CNIH3: variants seen among roughly 807,000 people sequenced by gnomAD.
CNIH3 encodes cornichon family AMPA receptor auxiliary protein 3, also known as protein cornichon homolog 3.
CNIH3 carries 14 observed loss-of-function variants against 24.1 expected under a neutral mutation model. The observed-to-expected ratio is 0.58, with a 90% CI of 0.38 to 0.91. CNIH3 has a LOEUF of 0.91. CNIH3 is among the 40% of genes least tolerant of loss of function. The pLI is 0.00. For missense variants in CNIH3, 178 were observed against 196.8 expected (o/e 0.90, Z 0.57); for synonymous variants, 68 against 73.8 (o/e 0.92, Z 0.40).
chr1:224,584,812 A>G (rs1040163167), intron 5 of CNIH3, among the ~76,000 whole-genome samples: 1 of 152,194 alleles, frequency 6.6e-6, no homozygotes, highest in African/African-American at 2.4e-5. Context: ...TTAGTGTAAG[A>G]TAAGAAAATG....
chr1:224,478,369 G>T (rs139122334), intron 1 of CNIH3, among the ~76,000 whole-genome samples: 3 of 152,044 alleles, frequency 2.0e-5, no homozygotes, highest in Non-Finnish European at 2.9e-5. Context: ...TCTCCTCCGT[G>T]TATTTTCAAA....
intron 1 of CNIH3, among the ~76,000 whole-genome samples, chr1:224,492,342 T>G (rs1426834920): frequency 2.0e-5 from 3 of 152,260 alleles, no homozygotes; most frequent in African/African-American, 7.2e-5. Flanking sequence ...GCATAGTTCT[T>G]GTTCCTTAAA....
At chr1:224,707,793 A>G (rs1195040300) in intron 3 of CNIH3, among the ~76,000 whole-genome samples, 1 of 152,234 alleles carries the variant, frequency 6.6e-6, no homozygotes, top group Non-Finnish European at 1.5e-5. Flanking sequence ...CCCGCTTTTC[A>G]GCACTTACTG....
chr1:224,522,061 T>C (rs1038273730), intron 2 of CNIH3, among the ~76,000 whole-genome samples: 1 of 152,212 alleles, frequency 6.6e-6, no homozygotes, highest in African/African-American at 2.4e-5. Flanking sequence ...TTGCCTGTTC[T>C]CCCTTAGGAC....
chr1:224,568,014 A>G (rs903340986), intron 4 of CNIH3, among the ~76,000 whole-genome samples: 5 of 152,304 alleles, frequency 3.3e-5, no homozygotes, highest in South Asian at 2.1e-4. Context: ...TAATGAGGCC[A>G]GGCACGGTGG....
chr1:224,596,924 G>T (rs139319359), intron 3 of CNIH3, among the ~76,000 whole-genome samples: 1 of 152,076 alleles, frequency 6.6e-6, no homozygotes, highest in African/African-American at 2.4e-5. Context: ...AGACCAAGGC[G>T]GGTGGAACAC....
intron 3 of CNIH3, among the ~76,000 whole-genome samples, chr1:224,690,758 G>A (rs1163006267): frequency 1.3e-5 from 2 of 152,216 alleles, no homozygotes; most frequent in African/African-American, 2.4e-5. Flanking sequence ...TCACCACATG[G>A]AGGAGAAGGG....
intron 3 of CNIH3, among the ~76,000 whole-genome samples, chr1:224,728,278 G>T (rs780834069): frequency 2.0e-5 from 3 of 152,250 alleles, no homozygotes; most frequent in Non-Finnish European, 4.4e-5. Context: ...CTCTGAGAAA[G>T]TGGGCTTTCT....
intron 3 of CNIH3, among the ~76,000 whole-genome samples, chr1:224,562,393 T>C (rs1204439732): frequency 5.3e-5 from 8 of 152,120 alleles, no homozygotes. Flanking sequence ...TGTTAGCATG[T>C]AGTGAGATGA....
chr1:224,492,578 C>T (rs1677274648), intron 1 of CNIH3, among the ~76,000 whole-genome samples: 2 of 152,174 alleles, frequency 1.3e-5, no homozygotes, highest in Non-Finnish European at 2.9e-5. Flanking sequence ...TTAATATATT[C>T]TACATAATCA....
Position 224,657,066 on chromosome 1 carries a change from G to C in CNIH3, c.82-23892G>C, listed in dbSNP as rs55987727. On this transcript the variant is annotated intron_variant, in intron 1 of 5. Transcript: ENST00000272133. Reference sequence around the variant, plus strand: ...CTTTGTTTTCATTTTGGTCTCTTTCGGTCTCGATATGCCAGAGGCAACATT... The same window carrying C: ...CTTTGTTTTCATTTTGGTCTCTTTCCGTCTCGATATGCCAGAGGCAACATT... Among the ~76,000 whole-genome samples the C allele has an allele frequency of 7.9e-5, 12 of 152,096 alleles. 1 individual carries two copies. In the South Asian group the frequency reaches 2.1e-3, roughly 26 times the overall value.
intron 1 of CNIH3, among the ~76,000 whole-genome samples, chr1:224,462,989 C>T (rs953612761): frequency 2.0e-5 from 3 of 148,388 alleles, no homozygotes; most frequent in African/African-American, 5.0e-5. Context: ...CAACCTGCAC[C>T]TCCTGGGTTC....
intron 1 of CNIH3, among the ~76,000 whole-genome samples, chr1:224,491,529 T>C (rs1677234324): frequency 6.6e-6 from 1 of 152,238 alleles, no homozygotes; most frequent in African/African-American, 2.4e-5. Flanking sequence ...CTAATTATTG[T>C]ATGGCAGTTT....
At chr1:224,447,141 T>A (rs1675200053) in intron 1 of CNIH3, among the ~76,000 whole-genome samples, 1 of 152,196 alleles carries the variant, frequency 6.6e-6, no homozygotes, top group South Asian at 2.1e-4. Flanking sequence ...TTCTGGAGGC[T>A]GAGAAGCCCC....
chr1:224,453,297 G>A (rs756073171), intron 1 of CNIH3, among the ~76,000 whole-genome samples: 19 of 151,598 alleles, frequency 1.3e-4, no homozygotes, highest in Non-Finnish European at 2.2e-4. Flanking sequence ...TTCCAGCTTC[G>A]CCCTCCTGAG....
At chr1:224,712,194 A>G (rs1199532729) in intron 3 of CNIH3, among the ~76,000 whole-genome samples, 1 of 152,254 alleles carries the variant, frequency 6.6e-6, no homozygotes, top group Non-Finnish European at 1.5e-5. Flanking sequence ...TCTCACCTTT[A>G]GCAGTTGTTC....
intron 1 of CNIH3, chr1:224,661,080 G>C (rs930928963): frequency 1.3e-4 from 20 of 159,340 alleles, no homozygotes; most frequent in Non-Finnish European, 2.0e-4. Context: ...ACTGAAAGTC[G>C]AGTTCACTGG....
intron 1 of CNIH3, among the ~76,000 whole-genome samples, chr1:224,451,878 A>C (rs1319425006): frequency 6.6e-6 from 1 of 152,182 alleles, no homozygotes; most frequent in Non-Finnish European, 1.5e-5. Context: ...CAGATTACAC[A>C]TAGGAATCTG....
chr1:224,679,264 T>C (rs2043612), intron 1 of CNIH3, among the ~76,000 whole-genome samples: 142,213 of 152,118 alleles, frequency 0.93, 67,027 homozygotes, highest in Non-Finnish European at 1. Context: ...TGCTTGAGCC[T>C]GGGAGATGGA....
Sources: gnomAD v4.1 joint callset for allele counts (sites outside exome capture counted in the v4.1 genomes callset) on GRCh38, gnomAD v4.1.1 for gene constraint, MANE v1.5 for transcripts, NCBI Gene and HGNC (gene_info 2026-07-23, HGNC 2026-07-21) for gene names.